Variants in RALGDS observed in about 807,000 individuals in gnomAD.
The protein encoded by RALGDS is ral guanine nucleotide dissociation stimulator, also known as ral guanine nucleotide exchange factor.
RALGDS carries 44 observed loss-of-function variants against 99.8 expected under a neutral mutation model. That is an observed-to-expected ratio of 0.44 (90% CI 0.35 to 0.57). RALGDS has a LOEUF of 0.57. RALGDS is among the 20% of genes least tolerant of loss of function. RALGDS has a pLI of 0.01. For missense variants in RALGDS, 1,022 were observed against 1,203.1 expected, an observed-to-expected ratio of 0.85 and a Z score of 2.23; for synonymous variants, 529 against 505.0, an observed-to-expected ratio of 1.05 and a Z score of -0.64.
chr9:133,109,082 A>AC (rs1185392007), intron 4 of RALGDS, among the ~76,000 whole-genome samples: 1 of 151,568 alleles, frequency 6.6e-6, no homozygotes, highest in African/African-American at 2.4e-5. Flanking sequence ...GTCTCCCAGC[A>AC]CCCCCTCCTC....
chr9:133,131,851 T>C (rs764668238), upstream of RALGDS, among the ~76,000 whole-genome samples: 1 of 152,172 alleles, frequency 6.6e-6, no homozygotes, highest in Non-Finnish European at 1.5e-5. Context: ...TTGCTCCTTA[T>C]AAAATGGGCA....
At chr9:133,104,602 A>G in intron 9 of RALGDS, 1 of 472,454 alleles carries the variant, frequency 2.1e-6, no homozygotes, top group South Asian at 2.2e-5. Flanking sequence ...ACTTGAGGTC[A>G]GGAGTTTAAG....
intron 1 of RALGDS, among the ~76,000 whole-genome samples, chr9:133,114,828 G>T (rs1055039937): frequency 6.6e-6 from 1 of 152,214 alleles, no homozygotes; most frequent in African/African-American, 2.4e-5. Flanking sequence ...GGACCCAGTC[G>T]GCAGCTGTGC....
At chr9:133,103,396 G>T in intron 11 of RALGDS, 134 bp from the exon 12 acceptor site, 1 of 1,113,422 alleles carries the variant, frequency 9.0e-7, no homozygotes, top group Non-Finnish European at 1.4e-6. Context: ...GCCGGTGCTG[G>T]GCACCAGGGC....
At position 133,144,355 on chromosome 9, in the gene RALGDS, T is replaced by C. The variant is rs943273248; in HGVS notation, c.18+4608A>G. 4.6e-5 allele frequency among the ~76,000 whole-genome samples: 7 copies of C among 151,808 alleles called. No individual in the cohort carries two copies. Among genetic ancestry groups the C allele is most frequent in the Non-Finnish European group, 7.4e-5 (5 of 67,936 alleles). On this transcript the variant is annotated intron_variant, in intron 1 of 17. Transcript: ENST00000393160. This position sits in a 1 kb window ranked among gnomAD's most constrained non-coding sequence, Gnocchi z 4.5. ...TGACACCACGGTCTGCAAACCATGG[T>C]CCTCCTCGCCACCCCTGTCACCTCC...
At chr9:133,123,977 C>G (rs192057878), upstream of RALGDS, among the ~76,000 whole-genome samples, 1,247 of 44,288 alleles carry the variant, frequency 0.028, no homozygotes, top group South Asian at 0.042. Flanking sequence ...CACATAGAGA[C>G]AGAGACACAG....
chr9:133,143,717 C>G (rs1259565470), intron 1 of RALGDS, among the ~76,000 whole-genome samples: 2 of 145,148 alleles, frequency 1.4e-5, no homozygotes, highest in Admixed American at 6.9e-5. Context: ...GCAGCCTGGG[C>G]CACAGAGCAA....
Position 133,103,783 on chromosome 9 carries a change from C to T in RALGDS, c.1722G>A (p.Leu574=). The change falls in exon 11 of 18, where the codon CTG becomes CTA. Residue 574 remains leucine (L), a synonymous_variant. Transcript: ENST00000372050. ...CCTTCATGGCAGTGTCCAGCATCAC[C>T]AGGTCGGTGAGGAACGTGCCCAGGT... is the stretch of plus-strand genomic sequence containing the variant. ...VPYLGTFLTD[L]VMLDTAMKDY... The T allele has an allele frequency of 6.2e-7, 1 of 1,613,404 alleles. No individual in the cohort carries two copies. Among genetic ancestry groups the T allele is most frequent in the Non-Finnish European group, 8.5e-7 (1 of 1,179,938 alleles).
At position 133,103,254 on chromosome 9, in the gene RALGDS, G is replaced by A; in HGVS notation, c.1767C>T (p.Leu589=). 6.2e-7 allele frequency: 1 copy of A among 1,613,938 alleles called. No homozygotes were observed. ...TAMKDYLYGR[L]INFEKRRKEF... ...CCTTCCTCCTCTTCTCAAAGTTGAT[G>A]AGTCTGCCCTGGAAGGTGGACACCC... Residue 589 remains leucine (L), a synonymous_variant, in exon 12 of 18, where the codon CTC becomes CTT. Transcript: ENST00000372050.
upstream of RALGDS, chr9:133,121,248 C>T: frequency 1.0e-6 from 1 of 983,160 alleles, no homozygotes; most frequent in Non-Finnish European, 1.2e-6. Flanking sequence ...GCTGTGAGCC[C>T]GCGGCCCGGC....
chr9:133,102,227 C>G, intron 14 of RALGDS, 88 bp from the exon 15 acceptor site: 1 of 1,408,352 alleles, frequency 7.1e-7, no homozygotes, highest in Non-Finnish European at 9.7e-7. Context: ...AAGGACTGTG[C>G]AAAGTGCTGG....
rs1429497773 is a variant in RALGDS, at chr9:133,098,506, G to A, written c.*81C>T. 7.5e-6 allele frequency: 11 copies of A among 1,475,716 alleles called. No homozygotes were observed. The highest frequency in any genetic ancestry group is 6.9e-5 in the African/African-American group (5 of 72,138). The allele number at this position is 1,475,716 out of a possible 1,614,324, so 91.4% of individuals were successfully genotyped here. ...TGGGGTACCCTGGGCTGGCAGGTGG[G>A]AGGAAGGCGCCCAGCTGGCCTGGGC... On this transcript the variant is annotated 3_prime_UTR_variant, in exon 18 of 18. Coordinates refer to ENST00000372050, the MANE Select transcript of RALGDS (RefSeq NM_006266.4).
chr9:133,100,108 G>A, intron 17 of RALGDS, 160 bp downstream of exon 17: 1 of 746,294 alleles, frequency 1.3e-6, no homozygotes, highest in East Asian at 2.5e-5. Flanking sequence ...TGGTTGCTGG[G>A]GACAGCAAGC....
At chr9:133,135,117 C>T (rs1832404934), upstream of RALGDS, among the ~76,000 whole-genome samples, 1 of 152,088 alleles carries the variant, frequency 6.6e-6, no homozygotes, top group Non-Finnish European at 1.5e-5. Context: ...GAGGCAGAGC[C>T]GCAGAATGAC....
In RALGDS at chr9:133,137,751, G is replaced by T. The variant is rs544677178; in HGVS notation, c.18+11212C>A. Among the ~76,000 whole-genome samples, 21 of 152,318 alleles carry T rather than the reference G, an allele frequency of 1.4e-4. No homozygotes were observed. The East Asian group carries it at 1.9e-3, about 14-fold the overall frequency. On this transcript the variant is annotated intron_variant, in intron 1 of 17. Coordinates refer to the RALGDS transcript ENST00000393160. ...GGAGGCGGTGGTAGGTGGTCAGGTT[G>T]GCCCTGGTTTAACCTAGGGGGTTTT...
intron 1 of RALGDS, 131 bp from the exon 2 acceptor site, chr9:133,112,283 T>C (rs1044782797): frequency 2.9e-6 from 2 of 687,824 alleles, no homozygotes; most frequent in Admixed American, 2.0e-5. Flanking sequence ...ACCTACAGCC[T>C]GGGGTGGAAT....
upstream of RALGDS, among the ~76,000 whole-genome samples, chr9:133,121,441 C>T (rs1459408436): frequency 2.0e-5 from 3 of 151,996 alleles, no homozygotes; most frequent in African/African-American, 4.8e-5. Flanking sequence ...AGGGCGGGGC[C>T]GGGGAGGTCG....
At chr9:133,104,205 C>T in intron 10 of RALGDS, 58 bp downstream of exon 10, 2 of 1,530,630 alleles carry the variant, frequency 1.3e-6, no homozygotes, top group South Asian at 2.2e-5. Context: ...GAGGAAAGGG[C>T]CCTCCTCCCT....
In RALGDS at chr9:133,101,694, C is replaced by G; in HGVS notation, c.2280G>C (p.Ser760=). Residue 760 remains serine, a synonymous_variant, in exon 16 of 18, where the codon TCG becomes TCC. Coordinates refer to ENST00000372050, the MANE Select transcript of RALGDS (RefSeq NM_006266.4). ...CGGGCGTGGTGGAGGCTGAGGAGGA[C>G]GAGGTGCTGCTGGAGGCTGAGCTGA... ...SGISSASSST[S]SSSASTTPVA... is the part of the protein sequence containing the mutation. 1 of 1,613,922 alleles carries G rather than the reference C, an allele frequency of 6.2e-7. No homozygotes were observed. The highest frequency in any genetic ancestry group is 8.5e-7 in the Non-Finnish European group (1 of 1,179,962).
Sources: allele counts gnomAD v4.1 joint callset (sites outside exome capture counted in the v4.1 genomes callset), GRCh38; gene constraint gnomAD v4.1.1; non-coding constraint Gnocchi (gnomAD v3.1); transcripts MANE v1.5; gene names NCBI Gene and HGNC (gene_info 2026-07-23, HGNC 2026-07-21).